CA8: variants seen among roughly 807,000 people sequenced by gnomAD.
The protein encoded by CA8 is carbonic anhydrase-related protein.
A neutral mutation model predicts 41.4 loss-of-function variants in CA8; 22 were observed. That is an observed-to-expected ratio of 0.53 (90% confidence interval 0.38 to 0.76). The LOEUF (loss-of-function observed/expected upper bound fraction) is 0.76. Among genes scored for constraint, CA8 ranks in the 30% least tolerant of loss-of-function variants. The probability of loss-of-function intolerance (pLI) is 0.00; values close to 1 mark genes in which losing one functional copy is unlikely to be tolerated. For missense variants in CA8, 270 were observed against 352.8 expected (o/e 0.77, Z 1.88); for synonymous variants, 121 against 130.6 (o/e 0.93, Z 0.50).
intron 8 of CA8, among the ~76,000 whole-genome samples, chr8:60,194,771 C>T (rs1400644687): frequency 6.6e-6 from 1 of 152,138 alleles, no homozygotes; most frequent in Admixed American, 6.6e-5. Context: ...AAATCTGTTA[C>T]AAGACCATCT....
intron 3 of CA8, among the ~76,000 whole-genome samples, chr8:60,263,248 G>A (rs1803790428): frequency 6.6e-6 from 1 of 151,814 alleles, no homozygotes; most frequent in South Asian, 2.1e-4. Flanking sequence ...CCTGAAACTG[G>A]GAGGCGGAAG....
intron 2 of CA8, among the ~76,000 whole-genome samples, chr8:60,270,352 G>A (rs10435600): frequency 0.42 from 63,628 of 151,936 alleles, 13,545 homozygotes; most frequent in African/African-American, 0.49. Flanking sequence ...TGGGTCCCTG[G>A]TACACCACCC....
chr8:60,252,267 G>T (rs1208242652), intron 3 of CA8, among the ~76,000 whole-genome samples: 1 of 152,182 alleles, frequency 6.6e-6, no homozygotes, highest in Non-Finnish European at 1.5e-5. Context: ...ATTCCAAGGA[G>T]TGTAGATATC....
chr8:60,211,193 C>T (rs1806823357), intron 7 of CA8, among the ~76,000 whole-genome samples: 1 of 152,184 alleles, frequency 6.6e-6, no homozygotes, highest in African/African-American at 2.4e-5. Flanking sequence ...AAAGAACATT[C>T]ATGAAAATCA....
At chr8:60,212,198 C>T (rs1806859500) in intron 7 of CA8, among the ~76,000 whole-genome samples, 1 of 152,200 alleles carries the variant, frequency 6.6e-6, no homozygotes. Flanking sequence ...TTCCAATCTT[C>T]ACTGCCTCAA....
At chr8:60,215,315 T>G (rs1806977228) in intron 7 of CA8, among the ~76,000 whole-genome samples, 1 of 151,574 alleles carries the variant, frequency 6.6e-6, no homozygotes, top group Admixed American at 6.6e-5. Context: ...AAAATGTCCA[T>G]AATCAATGAG....
chr8:60,270,823 CTTTT>C (rs1412669453), intron 2 of CA8, among the ~76,000 whole-genome samples: 1 of 152,124 alleles, frequency 6.6e-6, no homozygotes, highest in Non-Finnish European at 1.5e-5. Flanking sequence ...TCATTTAGTT[CTTTT>C]TTTAACATTT....
chr8:60,237,652 A>G (rs928543584), intron 3 of CA8, among the ~76,000 whole-genome samples: 1 of 152,206 alleles, frequency 6.6e-6, no homozygotes, highest in Non-Finnish European at 1.5e-5. Flanking sequence ...TGCCTCTTGC[A>G]GCCTGAACCC....
At chr8:60,280,988 G>C in intron 1 of CA8, 60 bp downstream of exon 1, 1 of 1,272,942 alleles carries the variant, frequency 7.9e-7, no homozygotes. Context: ...CGAGTCCCGC[G>C]CTCGGCGAGA....
chr8:60,232,392 C>G lies in CA8; in HGVS notation c.418-13G>C. The G allele has an allele frequency of 6.4e-7, 1 of 1,556,680 alleles. No individual in the cohort carries two copies. Among genetic ancestry groups the G allele is most frequent in the Non-Finnish European group, 8.9e-7 (1 of 1,127,776 alleles). On this transcript the variant is annotated splice_polypyrimidine_tract_variant and intron_variant, in intron 3 of 8. Transcript: ENST00000317995. ...GGATCAGATGGAGCTGAGTGAGTGG[C>G]AACAGACAGACCACATCATTTAATG...
chr8:60,273,548 C>G (rs1486030473), intron 2 of CA8, among the ~76,000 whole-genome samples: 1 of 152,188 alleles, frequency 6.6e-6, no homozygotes, highest in African/African-American at 2.4e-5. Flanking sequence ...AGATGCACTG[C>G]TCATGGGGTA....
intron 3 of CA8, among the ~76,000 whole-genome samples, chr8:60,233,684 T>C (rs1037149478): frequency 2.6e-5 from 4 of 152,226 alleles, no homozygotes; most frequent in African/African-American, 9.6e-5. Flanking sequence ...TTGCCTTAAT[T>C]AAACCACCAA....
At chr8:60,222,978 A>G (rs949731908) in intron 6 of CA8, among the ~76,000 whole-genome samples, 2 of 152,238 alleles carry the variant, frequency 1.3e-5, no homozygotes, top group South Asian at 2.1e-4. Context: ...AGTGATTTCT[A>G]TCAATGGATT....
Position 60,194,854 on chromosome 8 carries a change from A to T in CA8, c.*36-4869T>A, listed in dbSNP as rs1328343254. ...TGTATCCTTGTGAGGCAATGCACTT[A>T]AAAAAAAATCTCTTTCCTGTTATTT... On this transcript the variant is annotated intron_variant, in intron 8 of 8. Coordinates refer to ENST00000317995, the MANE Select transcript of CA8 (RefSeq NM_004056.6). Among the ~76,000 whole-genome samples the T allele has an allele frequency of 4.0e-5, 6 of 151,630 alleles. No homozygotes were observed. The South Asian group carries it at 6.3e-4, about 16-fold the overall frequency.
At chr8:60,209,106 C>G (rs1806742579) in intron 7 of CA8, among the ~76,000 whole-genome samples, 187 bp from the exon 8 acceptor site, 1 of 152,116 alleles carries the variant, frequency 6.6e-6, no homozygotes, top group Non-Finnish European at 1.5e-5. Flanking sequence ...AGAGAGGACC[C>G]TTTCAAGAAA....
rs1466783474 is a variant in CA8 at position 60,187,108 on chromosome 8, AAGACTG to A, written c.*2907_*2912del. On this transcript the variant is annotated 3_prime_UTR_variant, in exon 9 of 9. Transcript: ENST00000317995. ...CCAGAAAGCAAACCTCGATAAATTTAAGACTGAGATCATATAAAGTATGTTTTCTGA... is the reference window on the plus strand; with the variant it reads ...CCAGAAAGCAAACCTCGATAAATTTAAGATCATATAAAGTATGTTTTCTGA... Among the ~76,000 whole-genome samples, 35 of 152,210 alleles carry A rather than the reference AAGACTG, an allele frequency of 2.3e-4. No individual in the cohort carries two copies. The highest frequency in any genetic ancestry group is 2.3e-3 in the Admixed American group (35 of 15,280).
At chr8:60,190,090 AT>A (rs1187431764) in intron 8 of CA8, 105 bp from the exon 9 acceptor site, 1 of 151,920 alleles carries the variant, frequency 6.6e-6, no homozygotes, top group African/African-American at 2.4e-5. Context: ...AAAACTAAAA[AT>A]TTCATAAGAA....
At position 60,185,716 on chromosome 8, in the gene CA8, A is replaced by T. The variant is rs1035998547; in HGVS notation, c.*4305T>A. ...TATATTTAGCAAAACTATCTCAAAGAAGGTAAAATAAAGATAGCCCATATA... is the reference window on the plus strand; with the variant it reads ...TATATTTAGCAAAACTATCTCAAAGTAGGTAAAATAAAGATAGCCCATATA... On this transcript the variant is annotated 3_prime_UTR_variant, in exon 9 of 9. Coordinates refer to ENST00000317995, the MANE Select transcript of CA8 (RefSeq NM_004056.6). 4.6e-5 allele frequency among the ~76,000 whole-genome samples: 7 copies of T among 152,138 alleles called. No homozygotes were observed. Among genetic ancestry groups the T allele is most frequent in the Non-Finnish European group, 8.8e-5 (6 of 68,032 alleles).
chr8:60,186,439 T>C lies in CA8; in HGVS notation c.*3582A>G, dbSNP rs865955744. On this transcript the variant is annotated 3_prime_UTR_variant, in exon 9 of 9. Coordinates refer to ENST00000317995, the MANE Select transcript of CA8 (RefSeq NM_004056.6). ...AATAATTAAAGCAATTGAAATATACTAGAAAATATTCACCTAATTAAAAAA... is the reference window on the plus strand; with the variant it reads ...AATAATTAAAGCAATTGAAATATACCAGAAAATATTCACCTAATTAAAAAA... Among the ~76,000 whole-genome samples the C allele has an allele frequency of 2.0e-5, 3 of 149,504 alleles. No individual in the cohort carries two copies. The highest frequency in any genetic ancestry group is 3.0e-5 in the Non-Finnish European group (2 of 67,058).
Sources: gnomAD v4.1 joint callset for allele counts (sites outside exome capture counted in the v4.1 genomes callset) on GRCh38, gnomAD v4.1.1 for gene constraint, MANE v1.5 for transcripts, NCBI Gene and HGNC (gene_info 2026-07-23, HGNC 2026-07-21) for gene names.